DNAAF8: variants seen among roughly 807,000 people sequenced by gnomAD.
DNAAF8 encodes the protein dynein axonemal assembly factor 8.
Under a neutral mutation model 54.6 loss-of-function variants are expected in DNAAF8, and 61 were observed. That is an observed-to-expected ratio of 1.12 (90% CI 0.91 to 1.38). The LOEUF (loss-of-function observed/expected upper bound fraction) is 1.38. Among genes scored for constraint, DNAAF8 ranks in the 40% most tolerant of loss-of-function variants. DNAAF8 has a pLI of 0.00. For missense variants in DNAAF8, 837 were observed against 665.0 expected (o/e 1.26, Z -2.85); for synonymous variants, 320 against 270.1 (o/e 1.18, Z -1.81).
chr16:4,738,895 T>A (rs1008775256), intron 3 of DNAAF8, among the ~76,000 whole-genome samples: 1 of 151,280 alleles, frequency 6.6e-6, no homozygotes, highest in African/African-American at 2.4e-5. Flanking sequence ...AAAAAAAAAA[T>A]AATAATAAAG....
At chr16:4,739,339 G>A (rs2081934826) in intron 3 of DNAAF8, among the ~76,000 whole-genome samples, 1 of 138,176 alleles carries the variant, frequency 7.2e-6, no homozygotes, top group African/African-American at 2.7e-5. Flanking sequence ...TGTGCCTGTG[G>A]TCCCAGCTAC....
chr16:4,745,205 C>G (rs553744096), intron 6 of DNAAF8, among the ~76,000 whole-genome samples, 194 bp downstream of exon 6: 4 of 152,230 alleles, frequency 2.6e-5, no homozygotes, highest in Non-Finnish European at 5.9e-5. Context: ...GAGGTTGACT[C>G]TCTCTGGCCA....
intron 5 of DNAAF8, 87 bp from the exon 6 acceptor site, chr16:4,744,783 G>A: frequency 6.8e-7 from 1 of 1,463,220 alleles, no homozygotes; most frequent in Non-Finnish European, 9.3e-7. Context: ...CACATGTGGA[G>A]ACCCCAGGGG....
chr16:4,735,781 C>G (rs1481861876), intron 1 of DNAAF8, among the ~76,000 whole-genome samples: 1 of 152,152 alleles, frequency 6.6e-6, no homozygotes, highest in East Asian at 1.9e-4. Context: ...AACAGGGAGA[C>G]TCCATCTCTA....
chr16:4,740,450 G>T lies in DNAAF8; in HGVS notation c.574G>T (p.Glu192Ter). ...AGAGCCCCTCAGCACTGCCTCACAA[G>T]AATCTGTGAACCGCCGGGCCCTCCG... ...KAEPLSTASQ[E>*]SVNRRALRQE... Residue 192 changes from glutamate to a stop codon, truncating the protein, a stop_gained, in exon 4 of 10, where the codon GAA (glutamate) becomes TAA (stop). Coordinates refer to ENST00000299320, the MANE Select transcript of DNAAF8 (RefSeq NM_139170.3). LOFTEE classifies it high-confidence loss of function. The T allele has an allele frequency of 1.9e-6, 3 of 1,614,024 alleles. No individual in the cohort carries two copies. The highest frequency in any genetic ancestry group is 2.5e-6 in the Non-Finnish European group (3 of 1,179,966).
Position 4,740,515 on chromosome 16 carries a change from G to A in DNAAF8, c.639G>A (p.Gln213=). ...RRKMIETDIL[Q]KVTRDACGPT... ...AGATGATAGAGACGGACATCCTCCA[G>A]AAAGTCACCCGGGATGCCTGCGGCC... The change falls in exon 4 of 10, where the codon CAG becomes CAA. Residue 213 remains glutamine, a synonymous_variant. Transcript: ENST00000299320. The A allele has an allele frequency of 1.9e-6, 3 of 1,614,102 alleles. No homozygotes were observed. The highest frequency in any genetic ancestry group is 2.5e-6 in the Non-Finnish European group (3 of 1,180,012).
At position 4,737,964 on chromosome 16, in the gene DNAAF8, G is replaced by A. The variant is rs1410512564; in HGVS notation, c.276+18G>A. 1 of 1,612,706 alleles carries A rather than the reference G, an allele frequency of 6.2e-7. No homozygotes were observed. The highest frequency in any genetic ancestry group is 1.3e-5 in the African/African-American group (1 of 74,904). Reference sequence around the variant, plus strand: ...TTCCCGAGGTCTGTGGGACACAGAAGAGTATACGCCTGTGTGTGTGCGATG... The same window carrying A: ...TTCCCGAGGTCTGTGGGACACAGAAAAGTATACGCCTGTGTGTGTGCGATG... On this transcript the variant is annotated intron_variant, in intron 3 of 9. Transcript: ENST00000299320.
chr16:4,743,088 G>T lies in DNAAF8; in HGVS notation c.829G>T (p.Gly277Ter). The T allele has an allele frequency of 6.2e-7, 1 of 1,612,254 alleles. No homozygotes were observed. The highest frequency in any genetic ancestry group is 8.5e-7 in the Non-Finnish European group (1 of 1,179,234). ...GGATGACATCCTTCAGAGTCTGGCG[G>T]GACAAGAAGACAACCAGGGAAATCG... ...DLDDILQSLA[G>*]QEDNQGNRAP... The change falls in exon 5 of 10, where the codon GGA becomes TGA. Residue 277 changes from glycine (G) to a stop codon, truncating the protein, a stop_gained. Coordinates refer to ENST00000299320, the MANE Select transcript of DNAAF8 (RefSeq NM_139170.3). LOFTEE classifies it high-confidence loss of function.
At position 4,747,039 on chromosome 16, in the gene DNAAF8, G is replaced by C; in HGVS notation, c.1280+14G>C. 6.6e-7 allele frequency: 1 copy of C among 1,516,054 alleles called. No individual in the cohort carries two copies. The highest frequency in any genetic ancestry group is 8.8e-7 in the Non-Finnish European group (1 of 1,137,222). The allele number at this position is 1,516,054 out of a possible 1,614,324, so 93.9% of individuals were successfully genotyped here. A position where few individuals can be genotyped will look rare whatever the true frequency, so the allele number is the denominator to read the frequency against. ...CCTGGGGCTACGGTAACCACCCAGG[G>C]GCCTCTCGCCACCTGCAGATGTCCC... is the stretch of plus-strand genomic sequence containing the variant. On this transcript the variant is annotated intron_variant, in intron 8 of 9. Transcript: ENST00000299320.
chr16:4,741,268 A>C (rs1046389665), intron 4 of DNAAF8, among the ~76,000 whole-genome samples: 34 of 124,706 alleles, frequency 2.7e-4, no homozygotes, highest in Non-Finnish European at 4.4e-4. Context: ...AAAGAAACAA[A>C]GAAAGAAAGA....
In DNAAF8 at chr16:4,745,006, A is replaced by G; in HGVS notation, c.1038A>G (p.Gly346=). ...AGGACACCAAAGAGGCAGATTCAGG[A>G]AGCAGGTGGGACTTGTAGCCAGGCC... The part of the protein sequence containing the change: ...TPQDTKEADS[G]SRCASRKQGS... The change falls in exon 6 of 10, where the codon GGA becomes GGG. Residue 346 remains glycine (G), a synonymous_variant. Coordinates refer to ENST00000299320, the MANE Select transcript of DNAAF8 (RefSeq NM_139170.3). The G allele has an allele frequency of 6.2e-7, 1 of 1,613,234 alleles. No homozygotes were observed. Among genetic ancestry groups the G allele is most frequent in the Non-Finnish European group, 8.5e-7 (1 of 1,179,348 alleles).
intron 3 of DNAAF8, among the ~76,000 whole-genome samples, chr16:4,738,922 G>C (rs1455876738): frequency 6.6e-6 from 1 of 151,998 alleles, no homozygotes; most frequent in African/African-American, 2.4e-5. Context: ...AAACAGTGTA[G>C]AGGCACTAAC....
At chr16:4,745,061 A>G (rs1449034292) in intron 6 of DNAAF8, 50 bp downstream of exon 6, 2 of 1,588,040 alleles carry the variant, frequency 1.3e-6, no homozygotes, top group Non-Finnish European at 8.6e-7. Flanking sequence ...GAATGGCCCC[A>G]TGGTTTTGTA....
chr16:4,738,032 C>T (rs1204743885), intron 3 of DNAAF8, 86 bp downstream of exon 3: 12 of 1,440,018 alleles, frequency 8.3e-6, no homozygotes, highest in South Asian at 4.0e-5. Flanking sequence ...CTAGCATTTC[C>T]ACGATATGCT....
At chr16:4,737,233 T>A (rs991078129) in intron 2 of DNAAF8, among the ~76,000 whole-genome samples, 1 of 151,998 alleles carries the variant, frequency 6.6e-6, no homozygotes, top group East Asian at 1.9e-4. Flanking sequence ...ACGGGCAGGG[T>A]TTGGGTCCTA....
intron 6 of DNAAF8, chr16:4,746,064 G>A (rs1490061687): frequency 7.7e-6 from 2 of 260,592 alleles, no homozygotes; most frequent in South Asian, 9.3e-5. Context: ...GAATGTGACT[G>A]AGGAACTGAA....
chr16:4,744,824 G>A (rs749924141), intron 5 of DNAAF8, 46 bp from the exon 6 acceptor site: 3 of 1,582,454 alleles, frequency 1.9e-6, no homozygotes, highest in South Asian at 2.2e-5. Flanking sequence ...TAAGTCACAA[G>A]TGGGCCAAGT....
In DNAAF8 at chr16:4,746,517, G is replaced by T. The variant is rs200828958; in HGVS notation, c.1181+5G>T. ...AGACCACCTGTCCCCAGAAAGGTCCGGAGGGCAGTGACTACCCCATACCAG... is the reference window on the plus strand; with the variant it reads ...AGACCACCTGTCCCCAGAAAGGTCCTGAGGGCAGTGACTACCCCATACCAG... On this transcript the variant is annotated splice_donor_5th_base_variant and intron_variant, in intron 7 of 9. Transcript: ENST00000299320. 6.2e-7 allele frequency: 1 copy of T among 1,612,230 alleles called. No homozygotes were observed. The highest frequency in any genetic ancestry group is 2.2e-5 in the East Asian group (1 of 44,886).
At chr16:4,746,160 T>A in intron 6 of DNAAF8, 1 of 509,138 alleles carries the variant, frequency 2.0e-6, no homozygotes, top group Non-Finnish European at 3.4e-6. Context: ...ATAGAGAGCA[T>A]GTCCATCATG....
Sources: gnomAD v4.1 joint callset for allele counts (sites outside exome capture counted in the v4.1 genomes callset) on GRCh38, gnomAD v4.1.1 for gene constraint, MANE v1.5 for transcripts, NCBI Gene and HGNC (gene_info 2026-07-23, HGNC 2026-07-21) for gene names.